Variants in FRMD4A observed in about 807,000 individuals in gnomAD.
FRMD4A encodes FERM domain containing 4A.
A neutral mutation model predicts 129.1 loss-of-function variants in FRMD4A; 29 were observed. That is an observed-to-expected ratio of 0.22 (90% CI 0.17 to 0.31). The LOEUF (loss-of-function observed/expected upper bound fraction) is 0.31, where lower values mean the gene tolerates loss of function less well. Ranked by LOEUF, FRMD4A falls within the 10% of genes least tolerant of loss-of-function variation. FRMD4A has a pLI of 1.00. For missense variants in FRMD4A, 1,272 were observed against 1,375.8 expected, an observed-to-expected ratio of 0.92 and a Z score of 1.19; for synonymous variants, 634 against 571.6, an observed-to-expected ratio of 1.11 and a Z score of -1.56.
chr10:14,202,035 G>A (rs1842652007), intron 2 of FRMD4A, among the ~76,000 whole-genome samples: 2 of 152,156 alleles, frequency 1.3e-5, no homozygotes, highest in African/African-American at 2.4e-5. Flanking sequence ...CTACTCGGGA[G>A]GCTGAGGCAA....
At chr10:13,678,174 C>T (rs550655779) in intron 15 of FRMD4A, among the ~76,000 whole-genome samples, 3 of 152,232 alleles carry the variant, frequency 2.0e-5, no homozygotes, top group South Asian at 2.1e-4. Flanking sequence ...AGCCTAGATA[C>T]CAAGCCCACA....
chr10:14,276,905 G>C (rs1218358), intron 2 of FRMD4A, among the ~76,000 whole-genome samples: 14,646 of 152,166 alleles, frequency 0.096, 1,723 homozygotes, highest in African/African-American at 0.28. Context: ...CTCATTCTCT[G>C]CCAGGCTGGA....
intron 2 of FRMD4A, among the ~76,000 whole-genome samples, chr10:13,944,169 G>C (rs2095314772): frequency 6.6e-6 from 1 of 152,170 alleles, no homozygotes; most frequent in Admixed American, 6.5e-5. Context: ...CACAGCAGGA[G>C]GCGAGCCGTG....
At chr10:14,160,388 T>G (rs990491937) in intron 2 of FRMD4A, among the ~76,000 whole-genome samples, 1 of 152,108 alleles carries the variant, frequency 6.6e-6, no homozygotes, top group African/African-American at 2.4e-5. Flanking sequence ...GGCAAAGGTT[T>G]TATGGCTCAG....
At chr10:14,060,830 G>C (rs1834773210) in intron 2 of FRMD4A, among the ~76,000 whole-genome samples, 1 of 151,884 alleles carries the variant, frequency 6.6e-6, no homozygotes, top group Non-Finnish European at 1.5e-5. Context: ...CTGATCTTTG[G>C]GTCCCCATGG....
chr10:13,822,235 C>T (rs926398419), intron 3 of FRMD4A, among the ~76,000 whole-genome samples: 4 of 152,194 alleles, frequency 2.6e-5, no homozygotes, highest in Non-Finnish European at 1.5e-5. Context: ...CCAAACTACT[C>T]TCAGCAATTT....
At chr10:13,656,518 AT>A (rs1475950707) in intron 22 of FRMD4A, 117 bp downstream of exon 22, 1 of 1,177,676 alleles carries the variant, frequency 8.5e-7, no homozygotes, top group Non-Finnish European at 1.1e-6. Context: ...GAATTAATTA[AT>A]GATTCCCGTT....
intron 2 of FRMD4A, among the ~76,000 whole-genome samples, chr10:13,946,284 G>C (rs915944153): frequency 1.3e-5 from 2 of 152,190 alleles, no homozygotes; most frequent in Non-Finnish European, 2.9e-5. Flanking sequence ...TGCCCTGAGG[G>C]CTAAGGCTAG....
At chr10:14,232,209 T>C (rs1843661337) in intron 2 of FRMD4A, among the ~76,000 whole-genome samples, 1 of 152,222 alleles carries the variant, frequency 6.6e-6, no homozygotes, top group African/African-American at 2.4e-5. Flanking sequence ...TTTTTTGTTA[T>C]CGTTGGCTTT....
At chr10:13,925,953 T>G (rs142210262) in intron 2 of FRMD4A, among the ~76,000 whole-genome samples, 59 of 151,738 alleles carry the variant, frequency 3.9e-4, no homozygotes, top group Non-Finnish European at 5.7e-4. Context: ...AATCAGTACA[T>G]TTATATGATT....
intron 2 of FRMD4A, among the ~76,000 whole-genome samples, chr10:14,003,289 C>T (rs1252586966): frequency 2.0e-5 from 3 of 152,170 alleles, no homozygotes; most frequent in South Asian, 2.1e-4. Flanking sequence ...GGCAGGAAGA[C>T]GCCAGGGTCT....
chr10:13,677,667 C>T (rs957357562), intron 15 of FRMD4A, among the ~76,000 whole-genome samples: 5 of 152,186 alleles, frequency 3.3e-5, no homozygotes, highest in Admixed American at 1.3e-4. Context: ...CTGTGCTTAC[C>T]AATCCTAAAT....
chr10:13,785,780 C>T lies in FRMD4A; in HGVS notation c.300-2774G>A, dbSNP rs1564799882. On this transcript the variant is annotated intron_variant, in intron 5 of 24. Transcript: ENST00000357447. ...ATGCTATCCCTCCCCCTACCCCCCA[C>T]CCCACGACAGGCCCCAGTATGTGAT... 2.0e-5 allele frequency among the ~76,000 whole-genome samples: 3 copies of T among 151,358 alleles called. No homozygotes were observed. The South Asian group carries it at 6.3e-4, about 32-fold the overall frequency.
chr10:13,730,913 AGCT>A (rs1263550092), intron 12 of FRMD4A, among the ~76,000 whole-genome samples: 6 of 150,808 alleles, frequency 4.0e-5, no homozygotes, highest in Non-Finnish European at 7.4e-5. Flanking sequence ...CTATAGTCCC[AGCT>A]ACTCTGGAGG....
intron 2 of FRMD4A, among the ~76,000 whole-genome samples, chr10:14,185,825 G>T (rs1039695484): frequency 6.6e-6 from 1 of 152,084 alleles, no homozygotes; most frequent in African/African-American, 2.4e-5. Flanking sequence ...GACAGGGCAG[G>T]GCCCAGTGGA....
intron 3 of FRMD4A, among the ~76,000 whole-genome samples, chr10:13,835,118 C>T (rs1215297265): frequency 1.3e-5 from 2 of 152,142 alleles, no homozygotes; most frequent in Admixed American, 6.5e-5. Flanking sequence ...TTCAGCACAG[C>T]GGCAAGTGTA....
At chr10:14,006,458 C>T (rs1023555157) in intron 2 of FRMD4A, among the ~76,000 whole-genome samples, 3 of 152,160 alleles carry the variant, frequency 2.0e-5, no homozygotes, top group African/African-American at 7.2e-5. Context: ...CAATGACTAA[C>T]AGAAGTGGTA....
intron 2 of FRMD4A, among the ~76,000 whole-genome samples, chr10:14,265,993 T>C (rs905737984): frequency 1.6e-4 from 24 of 152,130 alleles, no homozygotes; most frequent in African/African-American, 4.6e-4. Context: ...AAGGTGTCAA[T>C]TGGGCCAAAA....
At chr10:13,708,719 G>T (rs2087721815) in intron 12 of FRMD4A, among the ~76,000 whole-genome samples, 1 of 152,198 alleles carries the variant, frequency 6.6e-6, no homozygotes, top group Admixed American at 6.5e-5. Context: ...CACAGACCCA[G>T]GTCTCATGGT....
Sources: allele counts gnomAD v4.1 joint callset (sites outside exome capture counted in the v4.1 genomes callset), GRCh38; gene constraint gnomAD v4.1.1; transcripts MANE v1.5; gene names NCBI Gene and HGNC (gene_info 2026-07-23, HGNC 2026-07-21).